Variants in TAF2 observed in about 807,000 individuals in gnomAD.
TAF2 encodes the protein TATA-box binding protein associated factor 2.
In TAF2, 61 loss-of-function variants were observed where a neutral mutation model predicts 138.5. That is an observed-to-expected ratio of 0.44 (90% CI 0.36 to 0.54). The LOEUF (loss-of-function observed/expected upper bound fraction) is 0.54. TAF2 is among the 20% of genes least tolerant of loss of function. The pLI is 0.00. For synonymous variants in TAF2, 475 were observed against 469.9 expected (o/e 1.01, Z -0.14); for missense variants, 1,090 against 1,427.9 (o/e 0.76, Z 3.81).
intron 23 of TAF2, among the ~76,000 whole-genome samples, chr8:119,745,597 G>GT (rs1262011121): frequency 6.6e-6 from 1 of 152,146 alleles, no homozygotes; most frequent in Admixed American, 6.5e-5. Flanking sequence ...TGCCAGGCAA[G>GT]TAATCTGGTC....
chr8:119,812,290 G>A (rs1332941223), intron 3 of TAF2, among the ~76,000 whole-genome samples: 1 of 151,890 alleles, frequency 6.6e-6, no homozygotes, highest in Non-Finnish European at 1.5e-5. Context: ...TTAATAGATA[G>A]CTCAAGACAG....
chr8:119,776,526 C>CA (rs148890953), intron 18 of TAF2, among the ~76,000 whole-genome samples: 45,600 of 138,296 alleles, frequency 0.33, 8,612 homozygotes, highest in African/African-American at 0.55. Context: ...ACTAAAAATA[C>CA]AAAAAAAAAA....
chr8:119,765,002 A>T, intron 18 of TAF2, among the ~76,000 whole-genome samples: 1 of 152,224 alleles, frequency 6.6e-6, no homozygotes, highest in East Asian at 1.9e-4. Flanking sequence ...CAGGTATAAC[A>T]GTTCTCAAAG....
At chr8:119,782,083 T>C (rs1436234778) in intron 16 of TAF2, among the ~76,000 whole-genome samples, 2 of 152,242 alleles carry the variant, frequency 1.3e-5, no homozygotes, top group Non-Finnish European at 2.9e-5. Context: ...AAAAGACTTA[T>C]ATTTTGAATA....
At chr8:119,781,290 T>C (rs1822634715) in intron 16 of TAF2, 97 bp from the exon 17 acceptor site, 4 of 1,396,504 alleles carry the variant, frequency 2.9e-6, no homozygotes, top group South Asian at 2.5e-5. Flanking sequence ...TACAACTGGA[T>C]TGGGTTTTCA....
intron 25 of TAF2, among the ~76,000 whole-genome samples, chr8:119,736,063 T>C (rs1819204735): frequency 6.6e-6 from 1 of 152,192 alleles, no homozygotes; most frequent in African/African-American, 2.4e-5. Context: ...ACCAAACTAC[T>C]TGGATTGCAG....
At chr8:119,755,875 T>G (rs1421932809) in intron 22 of TAF2, 131 bp downstream of exon 22, 1 of 686,750 alleles carries the variant, frequency 1.5e-6, no homozygotes, top group Non-Finnish European at 2.5e-6. Context: ...GAAGGTGTGA[T>G]AGTCTACTTA....
At chr8:119,752,937 C>G (rs1027863474) in intron 22 of TAF2, among the ~76,000 whole-genome samples, 1 of 152,134 alleles carries the variant, frequency 6.6e-6, no homozygotes, top group Admixed American at 6.6e-5. Flanking sequence ...AGCCCAGAAG[C>G]CCCAAAATGA....
intron 14 of TAF2, among the ~76,000 whole-genome samples, chr8:119,786,228 C>T (rs1028918309): frequency 2.6e-5 from 4 of 151,948 alleles, no homozygotes; most frequent in African/African-American, 9.7e-5. Flanking sequence ...TGGCAATTTG[C>T]CTTTGAAATA....
chr8:119,819,539 A>C, intron 2 of TAF2, 33 bp from the exon 3 acceptor site: 6 of 1,531,608 alleles, frequency 3.9e-6, no homozygotes, highest in East Asian at 2.3e-5. Flanking sequence ...CTTCATTATA[A>C]AGACTGGTAT....
chr8:119,749,909 C>T (rs151171976), intron 22 of TAF2, among the ~76,000 whole-genome samples: 1 of 152,290 alleles, frequency 6.6e-6, no homozygotes, highest in Non-Finnish European at 1.5e-5. Context: ...TCTTCATTAG[C>T]AGTTATACTC....
chr8:119,785,875 C>A (rs954281324), intron 14 of TAF2, among the ~76,000 whole-genome samples: 2 of 152,084 alleles, frequency 1.3e-5, no homozygotes, highest in African/African-American at 4.8e-5. Flanking sequence ...TCTGTTATTA[C>A]AGAGAAAAAA....
At chr8:119,792,305 C>T (rs973031584) in intron 10 of TAF2, among the ~76,000 whole-genome samples, 5 of 152,134 alleles carry the variant, frequency 3.3e-5, no homozygotes, top group African/African-American at 1.2e-4. Flanking sequence ...GCACCCACCA[C>T]CACGCCTGGC....
At chr8:119,732,271 T>C (rs1818928260) in intron 25 of TAF2, 85 bp from the exon 26 acceptor site, 1 of 1,268,094 alleles carries the variant, frequency 7.9e-7, no homozygotes, top group Non-Finnish European at 1.1e-6. Flanking sequence ...TGACAGTATG[T>C]AAAGAGGGAT....
chr8:119,736,327 A>G (rs1357223530), intron 25 of TAF2, among the ~76,000 whole-genome samples: 1 of 152,248 alleles, frequency 6.6e-6, no homozygotes. Context: ...CAAAGGAGTT[A>G]GAAACCAGGG....
chr8:119,743,695 T>A (rs1031098220), intron 24 of TAF2, among the ~76,000 whole-genome samples: 1 of 152,024 alleles, frequency 6.6e-6, no homozygotes, highest in East Asian at 1.9e-4. Flanking sequence ...AATAATACAT[T>A]TCGGGAAATT....
chr8:119,806,284 A>G lies in TAF2; in HGVS notation c.417T>C (p.Asp139=). The G allele has an allele frequency of 6.2e-7, 1 of 1,612,854 alleles. No individual in the cohort carries two copies. Among genetic ancestry groups the G allele is most frequent in the Non-Finnish European group, 8.5e-7 (1 of 1,178,912 alleles). ...KVPSELWKHV[D]ELKVLKIHIN... ...GTCAATATACTCTTGGTGCTTTACC[A>G]TCAACGTGTTTCCATAGCTCTGATG... The change falls in exon 4 of 26, where the codon GAT becomes GAC. Residue 139 remains aspartate, a splice_region_variant and synonymous_variant. Coordinates refer to ENST00000378164, the MANE Select transcript of TAF2 (RefSeq NM_003184.4).
chr8:119,778,880 C>T (rs1822445124), intron 17 of TAF2, among the ~76,000 whole-genome samples: 1 of 152,174 alleles, frequency 6.6e-6, no homozygotes, highest in South Asian at 2.1e-4. Context: ...GCATAGACAT[C>T]TCAGTCTTTA....
intron 23 of TAF2, chr8:119,744,685 C>A (rs1819833778): frequency 9.1e-6 from 4 of 439,110 alleles, no homozygotes; most frequent in Non-Finnish European, 1.7e-5. Flanking sequence ...CATAGTTCCT[C>A]CCCCAAACAG....
Sources: gnomAD v4.1 joint callset for allele counts (sites outside exome capture counted in the v4.1 genomes callset) on GRCh38, gnomAD v4.1.1 for gene constraint, MANE v1.5 for transcripts, NCBI Gene and HGNC (gene_info 2026-07-23, HGNC 2026-07-21) for gene names.